Variants in TOM1L2 observed in about 807,000 individuals in gnomAD.
TOM1L2 encodes target of myb1 like 2 membrane trafficking protein.
Under a neutral mutation model 67.9 loss-of-function variants are expected in TOM1L2, and 31 were observed. The ratio of observed to expected loss-of-function variants is 0.46; its 90% CI spans 0.34 to 0.62. The LOEUF (loss-of-function observed/expected upper bound fraction) is 0.62, where lower values mean the gene tolerates loss of function less well. Ranked by LOEUF, TOM1L2 falls within the 20% of genes least tolerant of loss-of-function variation. TOM1L2 has a pLI of 0.01. For synonymous variants in TOM1L2, 256 were observed against 254.0 expected, an observed-to-expected ratio of 1.01 and a Z score of -0.07; for missense variants, 606 against 663.5, an observed-to-expected ratio of 0.91 and a Z score of 0.95.
rs2042133244 is a variant in TOM1L2, at chr17:17,972,176, A to T, written c.52+86T>A. The T allele has an allele frequency of 6.6e-6, 10 of 1,509,640 alleles. No homozygotes were observed. In the South Asian group the frequency reaches 1.2e-4, roughly 18 times the overall value. The allele number at this position is 1,509,640 out of a possible 1,614,324, so 93.5% of individuals were successfully genotyped here. A position where few individuals can be genotyped will look rare whatever the true frequency, so the allele number is the denominator to read the frequency against. On this transcript the variant is annotated intron_variant, in intron 1 of 14. Transcript: ENST00000379504. ...AGGCCCAGCCCGCTCGTGAAGTGGC[A>T]CCGGCGCCCGGCGGAGGCCCGCGGT...
intron 1 of TOM1L2, among the ~76,000 whole-genome samples, chr17:17,934,893 C>T (rs2040460205): frequency 6.6e-6 from 1 of 152,178 alleles, no homozygotes; most frequent in African/African-American, 2.4e-5. Flanking sequence ...CTCCAGGTTC[C>T]TGAGATTTCC....
chr17:17,863,177 A>G (rs1185642427), intron 10 of TOM1L2: 1 of 263,566 alleles, frequency 3.8e-6, no homozygotes, highest in Non-Finnish European at 7.3e-6. Context: ...CTCCTCATTA[A>G]CTCAATCACA....
rs367914908 is a variant in TOM1L2 at position 17,884,787 on chromosome 17, T to C, written c.367-19A>G. 6.2e-7 allele frequency: 1 copy of C among 1,612,602 alleles called. No homozygotes were observed. The highest frequency in any genetic ancestry group is 8.5e-7 in the Non-Finnish European group (1 of 1,179,894). On this transcript the variant is annotated intron_variant, in intron 4 of 14. Coordinates refer to ENST00000379504, the MANE Select transcript of TOM1L2 (RefSeq NM_001082968.2). Reference sequence around the variant, plus strand: ...CCCATGCCTGGGATAATAGAAGGCCTGTTAGGAAGCATTTCTCAGAGCTGC... The same window carrying C: ...CCCATGCCTGGGATAATAGAAGGCCCGTTAGGAAGCATTTCTCAGAGCTGC...
intron 7 of TOM1L2, among the ~76,000 whole-genome samples, chr17:17,878,936 A>C (rs1883907463): frequency 6.6e-6 from 1 of 152,202 alleles, no homozygotes; most frequent in African/African-American, 2.4e-5. Context: ...AACAGGCCTG[A>C]GGTGGGGGCC....
intron 12 of TOM1L2, chr17:17,859,311 G>A (rs553101920): frequency 7.1e-4 from 105 of 148,330 alleles, no homozygotes; most frequent in African/African-American, 2.5e-3. Context: ...CCGACCTCAC[G>A]TGATCCGCCC....
At chr17:17,931,480 C>G (rs2040332845) in intron 1 of TOM1L2, among the ~76,000 whole-genome samples, 1 of 152,208 alleles carries the variant, frequency 6.6e-6, no homozygotes, top group Non-Finnish European at 1.5e-5. Context: ...AGAACAGAAA[C>G]AGGGCCTGGC....
chr17:17,915,833 C>A (rs1198841413), intron 1 of TOM1L2, among the ~76,000 whole-genome samples: 1 of 140,218 alleles, frequency 7.1e-6, no homozygotes, highest in Non-Finnish European at 1.5e-5. Flanking sequence ...CATTTTTAAA[C>A]TGAGTAGGTT....
At chr17:17,953,181 G>A (rs2041281101) in intron 1 of TOM1L2, among the ~76,000 whole-genome samples, 2 of 152,210 alleles carry the variant, frequency 1.3e-5, no homozygotes. Context: ...TTAGGAGGCT[G>A]AGGCAGGAGA....
At chr17:17,917,249 T>C (rs912288056) in intron 1 of TOM1L2, among the ~76,000 whole-genome samples, 5 of 151,554 alleles carry the variant, frequency 3.3e-5, no homozygotes, top group African/African-American at 1.2e-4. Context: ...GGAGAATCAC[T>C]CGAACCTGGG....
intron 1 of TOM1L2, among the ~76,000 whole-genome samples, chr17:17,970,502 G>A (rs2042027443): frequency 6.6e-6 from 1 of 152,112 alleles, no homozygotes; most frequent in Non-Finnish European, 1.5e-5. Context: ...CCATTAACTG[G>A]CTGGAAATTA....
rs542751102 is a variant in TOM1L2 at position 17,892,504 on chromosome 17, C to G, written c.366+1157G>C. On this transcript the variant is annotated intron_variant, in intron 4 of 14. Transcript: ENST00000379504. ...AAACCCAGGTCTGCACACATCCCAG[C>G]TCAGAGCCCTTCGATGTCTTCCCAC... is the stretch of plus-strand genomic sequence containing the variant. Among the ~76,000 whole-genome samples, 3 of 152,280 alleles carry G rather than the reference C, an allele frequency of 2.0e-5. No individual in the cohort carries two copies. The East Asian group carries it at 5.8e-4, about 29-fold the overall frequency.
At chr17:17,947,567 G>A (rs537285339) in intron 1 of TOM1L2, among the ~76,000 whole-genome samples, 2 of 152,334 alleles carry the variant, frequency 1.3e-5, no homozygotes, top group East Asian at 1.9e-4. Flanking sequence ...TTCTGAAGAA[G>A]CCAAACCTGC....
intron 1 of TOM1L2, among the ~76,000 whole-genome samples, chr17:17,963,490 C>T (rs1317615859): frequency 6.6e-6 from 1 of 152,216 alleles, no homozygotes; most frequent in East Asian, 1.9e-4. Flanking sequence ...GCCAGGAAAC[C>T]TTGGGCAAGT....
chr17:17,891,064 AC>A (rs1490951063), intron 4 of TOM1L2, among the ~76,000 whole-genome samples: 1 of 152,082 alleles, frequency 6.6e-6, no homozygotes, highest in African/African-American at 2.4e-5. Flanking sequence ...TAGGAGTAGC[AC>A]CCTTATCTGA....
At chr17:17,887,628 A>C (rs753780207) in intron 4 of TOM1L2, among the ~76,000 whole-genome samples, 1 of 152,126 alleles carries the variant, frequency 6.6e-6, no homozygotes, top group Admixed American at 6.5e-5. Flanking sequence ...AGCATGTGCC[A>C]CCATACCTGG....
chr17:17,903,872 A>G (rs4925129), intron 2 of TOM1L2, among the ~76,000 whole-genome samples: 82,440 of 151,708 alleles, frequency 0.54, 24,530 homozygotes, highest in East Asian at 0.94. Context: ...TACTTAGTGA[A>G]AGAGGTGACG....
intron 1 of TOM1L2, among the ~76,000 whole-genome samples, chr17:17,971,378 AG>A (rs2042073781): frequency 6.6e-6 from 1 of 152,150 alleles, no homozygotes; most frequent in Non-Finnish European, 1.5e-5. Context: ...TTCCCAGTCC[AG>A]GGCTCTTATC....
chr17:17,956,649 C>T (rs1046443039), intron 1 of TOM1L2, among the ~76,000 whole-genome samples: 1 of 152,236 alleles, frequency 6.6e-6, no homozygotes, highest in East Asian at 1.9e-4. Context: ...AGGGAGACCG[C>T]TGAGACCCGG....
chr17:17,930,880 G>C (rs2040302405), intron 1 of TOM1L2, among the ~76,000 whole-genome samples: 1 of 152,160 alleles, frequency 6.6e-6, no homozygotes, highest in Non-Finnish European at 1.5e-5. Context: ...CTTCCTTGCT[G>C]ATTAAAGGCA....
Sources: allele counts gnomAD v4.1 joint callset (sites outside exome capture counted in the v4.1 genomes callset), GRCh38; gene constraint gnomAD v4.1.1; transcripts MANE v1.5; gene names NCBI Gene and HGNC (gene_info 2026-07-23, HGNC 2026-07-21).